The following CCDC171 variants were observed in gnomAD, a reference collection of about 807,000 sequenced individuals.
CCDC171 encodes the protein coiled-coil domain-containing protein 171.
Under a neutral mutation model 168.2 loss-of-function variants are expected in CCDC171, and 177 were observed. The observed-to-expected ratio is 1.05, with a 90% confidence interval of 0.93 to 1.19. The LOEUF (loss-of-function observed/expected upper bound fraction) is 1.19. Ranked by LOEUF, CCDC171 falls within the 50% of genes most tolerant of loss-of-function variation. The pLI is 0.00. For synonymous variants in CCDC171, 687 were observed against 540.8 expected (o/e 1.27, Z -3.75); for missense variants, 1,991 against 1,539.0 (o/e 1.29, Z -4.91).
intron 6 of CCDC171, among the ~76,000 whole-genome samples, chr9:15,614,373 A>G (rs529121015): frequency 6.6e-6 from 1 of 152,288 alleles, no homozygotes; most frequent in African/African-American, 2.4e-5. Flanking sequence ...TTTTGAAGCA[A>G]TCAGGAGCTG....
rs546958116 is a variant in CCDC171 at position 15,612,671 on chromosome 9, T to C, written c.676-10596T>C. Among the ~76,000 whole-genome samples, 78 of 152,338 alleles carry C rather than the reference T, an allele frequency of 5.1e-4. 1 individual carries two copies. The highest frequency in any genetic ancestry group is 1.7e-3 in the African/African-American group (70 of 41,580). On this transcript the variant is annotated intron_variant, in intron 6 of 25. Coordinates refer to ENST00000380701, the MANE Select transcript of CCDC171 (RefSeq NM_173550.4). ...TTTTCTTGGTTGGGCACATTGCCTT[T>C]TGTGTGCTTTGTTCATTTCTACCTT...
At chr9:15,664,694 GTTTT>G (rs71325927) in intron 8 of CCDC171, among the ~76,000 whole-genome samples, 1 of 99,514 alleles carries the variant, frequency 1.0e-5, no homozygotes. Context: ...ATATAGTTTT[GTTTT>G]TTTTTTTTTT....
At chr9:15,974,551 C>T (rs1831564941), downstream of CCDC171, among the ~76,000 whole-genome samples, 1 of 152,152 alleles carries the variant, frequency 6.6e-6, no homozygotes, top group Non-Finnish European at 1.5e-5. Flanking sequence ...CCTATATCAC[C>T]TATCACTATT....
chr9:15,996,550 A>C (rs573995046), intron 3 of CCDC171, among the ~76,000 whole-genome samples: 15 of 150,948 alleles, frequency 9.9e-5, no homozygotes, highest in Admixed American at 2.7e-4. Context: ...TCATGTCGGC[A>C]CTCAAAATGT....
chr9:15,680,114 G>A (rs1394506727), intron 10 of CCDC171, among the ~76,000 whole-genome samples: 2 of 152,090 alleles, frequency 1.3e-5, no homozygotes, highest in Non-Finnish European at 2.9e-5. Flanking sequence ...GAAATTTGAT[G>A]TGTATTATGT....
At chr9:15,788,688 T>C (rs1296689302) in intron 21 of CCDC171, among the ~76,000 whole-genome samples, 2 of 151,914 alleles carry the variant, frequency 1.3e-5, no homozygotes, top group Non-Finnish European at 2.9e-5. Context: ...AAGCTGGGTC[T>C]ACAGACACAT....
chr9:16,029,129 T>C lies in CCDC171; in HGVS notation n.998+6221T>C, dbSNP rs577276590. ...AGATTTTTAGACGTGGAATAGGAAG[T>C]AGTGAGGGCTGTAAGGCAACAAGTG... is the stretch of plus-strand genomic sequence containing the variant. On this transcript the variant is annotated intron_variant and non_coding_transcript_variant, in intron 6 of 9. Transcript: ENST00000486641. Among the ~76,000 whole-genome samples the C allele has an allele frequency of 2.6e-5, 4 of 151,986 alleles. No homozygotes were observed. The East Asian group carries it at 7.7e-4, about 29-fold the overall frequency.
chr9:15,896,754 A>G (rs527715235), intron 24 of CCDC171, among the ~76,000 whole-genome samples: 2 of 152,218 alleles, frequency 1.3e-5, no homozygotes, highest in Middle Eastern at 3.4e-3. Context: ...TGTTTTTACC[A>G]TAGCCTGTAA....
At chr9:15,894,378 C>G (rs953123015) in intron 24 of CCDC171, among the ~76,000 whole-genome samples, 6 of 152,012 alleles carry the variant, frequency 3.9e-5, no homozygotes. Flanking sequence ...CCATGGCACA[C>G]GTTTACCTGT....
At chr9:15,792,068 A>C (rs1439728703) in intron 21 of CCDC171, among the ~76,000 whole-genome samples, 1 of 152,138 alleles carries the variant, frequency 6.6e-6, no homozygotes, top group Admixed American at 6.5e-5. Flanking sequence ...GAAGCTAAAA[A>C]CCTTGAAAAA....
At chr9:16,101,940 G>A in the CCDC171 span, among the ~76,000 whole-genome samples, 149 of 152,336 alleles carry the variant, frequency 9.8e-4, no homozygotes, top group African/African-American at 3.5e-3. Flanking sequence ...AACCTGTCCA[G>A]AACATGCCAG....
At chr9:15,737,910 A>G (rs1334074080) in intron 16 of CCDC171, among the ~76,000 whole-genome samples, 1 of 152,186 alleles carries the variant, frequency 6.6e-6, no homozygotes, top group Non-Finnish European at 1.5e-5. Context: ...CCCATTAGCA[A>G]TGTCTGAGAG....
intron 25 of CCDC171, among the ~76,000 whole-genome samples, chr9:15,963,925 G>A (rs1830571471): frequency 6.6e-6 from 1 of 152,204 alleles, no homozygotes; most frequent in South Asian, 2.1e-4. Flanking sequence ...TGGGATGTAA[G>A]TAAAAGTGTA....
chr9:15,976,706 C>G (rs1831628898), downstream of CCDC171, among the ~76,000 whole-genome samples: 1 of 151,434 alleles, frequency 6.6e-6, no homozygotes, highest in East Asian at 1.9e-4. Flanking sequence ...AAGAAAATGC[C>G]AGAGCATTTC....
intron 4 of CCDC171, among the ~76,000 whole-genome samples, chr9:15,584,942 A>G (rs777668689): frequency 1.3e-5 from 2 of 152,202 alleles, no homozygotes; most frequent in Non-Finnish European, 2.9e-5. Flanking sequence ...AACAATTTCA[A>G]CAGACATTCT....
chr9:15,625,797 C>T (rs921792973), intron 7 of CCDC171, among the ~76,000 whole-genome samples: 21 of 152,072 alleles, frequency 1.4e-4, no homozygotes, highest in South Asian at 4.1e-4. Flanking sequence ...CTTGGCAATG[C>T]GGGCTCTTTT....
At chr9:15,803,079 C>G (rs959563125) in intron 21 of CCDC171, among the ~76,000 whole-genome samples, 2 of 152,014 alleles carry the variant, frequency 1.3e-5, no homozygotes, top group African/African-American at 4.8e-5. Flanking sequence ...CTGTTCATGT[C>G]CTTTGACCAC....
intron 11 of CCDC171, among the ~76,000 whole-genome samples, chr9:15,704,266 T>C (rs2052034253): frequency 6.6e-6 from 1 of 152,230 alleles, no homozygotes. Flanking sequence ...TGTGCACATA[T>C]GGTCCCAGCT....
chr9:15,929,674 A>G (rs545469831), intron 25 of CCDC171, among the ~76,000 whole-genome samples: 78 of 151,884 alleles, frequency 5.1e-4, no homozygotes, highest in African/African-American at 1.7e-3. Context: ...GGCTATTGCA[A>G]TGGTCTTCCA....
Sources: allele counts gnomAD v4.1 joint callset (sites outside exome capture counted in the v4.1 genomes callset), GRCh38; gene constraint gnomAD v4.1.1; transcripts MANE v1.5; gene names NCBI Gene and HGNC (gene_info 2026-07-23, HGNC 2026-07-21).